The following VTCN1 variants were observed in gnomAD, a reference collection of about 807,000 sequenced individuals.
VTCN1 encodes the protein V-set domain containing T cell activation inhibitor 1, also known as V-set domain-containing T-cell activation inhibitor 1.
In VTCN1, 26 loss-of-function variants were observed where a neutral mutation model predicts 26.5. The ratio of observed to expected loss-of-function variants is 0.98; its 90% CI spans 0.72 to 1.36. The LOEUF (loss-of-function observed/expected upper bound fraction) is 1.36, where lower values mean the gene tolerates loss of function less well. Among genes scored for constraint, VTCN1 ranks in the 40% most tolerant of loss-of-function variants. The pLI, the probability that VTCN1 is intolerant of heterozygous loss-of-function variation, is 0.00. For missense variants in VTCN1, 298 were observed against 337.7 expected (o/e 0.88, Z 0.92); for synonymous variants, 116 against 130.7 (o/e 0.89, Z 0.77).
At chr1:117,197,197 C>T (rs1047993361) in intron 1 of VTCN1, among the ~76,000 whole-genome samples, 1 of 152,020 alleles carries the variant, frequency 6.6e-6, no homozygotes, top group Admixed American at 6.6e-5. Context: ...TTCGCTAAGC[C>T]CATAAAAGTC....
intron 1 of VTCN1, among the ~76,000 whole-genome samples, chr1:117,201,293 C>T (rs377248012): frequency 1.3e-5 from 2 of 152,124 alleles, no homozygotes; most frequent in South Asian, 4.1e-4. Flanking sequence ...ATGAGACTGT[C>T]ATAGCCCAAG....
intron 4 of VTCN1, among the ~76,000 whole-genome samples, chr1:117,148,810 T>C (rs562117901): frequency 6.6e-6 from 1 of 152,152 alleles, no homozygotes; most frequent in Non-Finnish European, 1.5e-5. Flanking sequence ...GAATGAGGCT[T>C]TGTAGTTAGG....
chr1:117,186,900 C>G (rs1352150613), intron 1 of VTCN1, among the ~76,000 whole-genome samples: 1 of 151,798 alleles, frequency 6.6e-6, no homozygotes, highest in Non-Finnish European at 1.5e-5. Flanking sequence ...AGAATTGACC[C>G]TGTTCTTGAA....
chr1:117,167,448 A>G lies in VTCN1; in HGVS notation c.97+2659T>C, dbSNP rs1570954307. 6.6e-6 allele frequency among the ~76,000 whole-genome samples: 1 copy of G among 152,344 alleles called. No homozygotes were observed. The highest frequency in any genetic ancestry group is 1.9e-4 in the East Asian group (1 of 5,182). ...CTGTTTTTGAACTTCATATGCATAG[A>G]ATCATACAGAACTTACTCTTTTGTG... On this transcript the variant is annotated intron_variant, in intron 2 of 5. Coordinates refer to ENST00000369458, the MANE Select transcript of VTCN1 (RefSeq NM_024626.4). The surrounding 1 kb of genome is among the most constrained non-coding windows in gnomAD (Gnocchi z 4.1).
intron 1 of VTCN1, among the ~76,000 whole-genome samples, chr1:117,191,956 C>A (rs1648265719): frequency 6.6e-6 from 1 of 151,540 alleles, no homozygotes; most frequent in Admixed American, 6.6e-5. Flanking sequence ...CAAGCAAGAC[C>A]CTGTGGGGTG....
intron 1 of VTCN1, among the ~76,000 whole-genome samples, chr1:117,204,810 G>A (rs1305680120): frequency 6.8e-6 from 1 of 148,146 alleles, no homozygotes; most frequent in Non-Finnish European, 1.5e-5. Flanking sequence ...AAGTTGCAGT[G>A]AGCCGAGATC....
chr1:117,207,286 C>T (rs553448184), intron 1 of VTCN1, among the ~76,000 whole-genome samples: 1 of 152,280 alleles, frequency 6.6e-6, no homozygotes, highest in South Asian at 2.1e-4. Flanking sequence ...ATGTTTTTAT[C>T]AATGCCATTG....
At chr1:117,196,399 T>G (rs1179390506) in intron 1 of VTCN1, among the ~76,000 whole-genome samples, 10 of 147,710 alleles carry the variant, frequency 6.8e-5, no homozygotes, top group East Asian at 3.9e-4. Flanking sequence ...CATATATATA[T>G]ATATAGAGAG....
chr1:117,158,255 T>A (rs1652188573), intron 2 of VTCN1, among the ~76,000 whole-genome samples: 1 of 152,224 alleles, frequency 6.6e-6, no homozygotes, highest in South Asian at 2.1e-4. Context: ...CCTTCTGCAC[T>A]GCCCTAGCAG....
intron 2 of VTCN1, 49 bp downstream of exon 2, chr1:117,170,058 T>G (rs201505509): frequency 3.0e-5 from 47 of 1,555,154 alleles, no homozygotes; most frequent in Non-Finnish European, 3.8e-5. Flanking sequence ...TGATTAGGAG[T>G]TTAATGGTGA....
intron 1 of VTCN1, among the ~76,000 whole-genome samples, chr1:117,209,822 T>C (rs1435596452): frequency 6.6e-6 from 1 of 152,232 alleles, no homozygotes; most frequent in East Asian, 1.9e-4. Flanking sequence ...AGCTGATATT[T>C]TGTTTCAAGG....
At chr1:117,162,374 C>T (rs541350150) in intron 2 of VTCN1, among the ~76,000 whole-genome samples, 2 of 152,328 alleles carry the variant, frequency 1.3e-5, no homozygotes, top group Admixed American at 6.5e-5. Context: ...TGCAAACAAA[C>T]ATAGGCTCAA....
intron 1 of VTCN1, among the ~76,000 whole-genome samples, chr1:117,205,157 T>TATAGAGAGAGAGAG (rs112844786): frequency 7.2e-6 from 1 of 137,994 alleles, no homozygotes; most frequent in Non-Finnish European, 1.5e-5. Flanking sequence ...TATATATATA[T>TATAGAGAGAGAGAG]AGAGAGAGAG....
chr1:117,172,286 C>T (rs1395235555), intron 1 of VTCN1: 1 of 507,098 alleles, frequency 2.0e-6, no homozygotes, highest in Non-Finnish European at 3.9e-6. Context: ...CAACAGTTCC[C>T]CTGCCGGCCA....
rs751834042 is a variant in VTCN1 at position 117,196,389 on chromosome 1, C to CAT, written c.32+14433_32+14434dup. 6.4e-3 allele frequency among the ~76,000 whole-genome samples: 944 copies of CAT among 148,274 alleles called. 3 individuals are homozygous for CAT. Among genetic ancestry groups the CAT allele is most frequent in the Non-Finnish European group, 9.6e-3 (643 of 67,230 alleles). On this transcript the variant is annotated intron_variant, in intron 1 of 5. Transcript: ENST00000369458. ...ACAGTATTTTACTATGTATTAAATA[C>CAT]ATATATATATATATAGAGAGAGAGA...
In VTCN1 at chr1:117,187,353, T is replaced by C. The variant is rs142246335; in HGVS notation, c.33-17182A>G. Among the ~76,000 whole-genome samples the C allele has an allele frequency of 9.0e-3, 1,336 of 148,900 alleles. 26 individuals carry two copies. Among genetic ancestry groups the C allele is most frequent in the African/African-American group, 0.029 (1,176 of 40,444 alleles). Reference sequence around the variant, plus strand: ...AAAAAAGGAGCTTTTTCCTACCCACTTTACCAATTTAACAGTATTACCAAG... The same window carrying C: ...AAAAAAGGAGCTTTTTCCTACCCACCTTACCAATTTAACAGTATTACCAAG... On this transcript the variant is annotated intron_variant, in intron 1 of 5. Transcript: ENST00000369458.
intron 1 of VTCN1, chr1:117,173,136 T>G: frequency 1.4e-6 from 1 of 713,710 alleles, no homozygotes; most frequent in South Asian, 1.5e-5. Context: ...AGCAAACAAC[T>G]CCGGAACAAA....
At position 117,156,720 on chromosome 1, in the gene VTCN1, C is replaced by T. The variant is rs201673499; in HGVS notation, c.299G>A (p.Arg100Gln). ...CACTTGATCAGCAAACACTGCTGTC[C>T]GGCCTCTGAACATTTCATCCTGCTC... is the stretch of plus-strand genomic sequence containing the variant. ...LSEQDEMFRG[R>Q]TAVFADQVIV... Residue 100 changes from arginine to glutamine, a missense_variant, in exon 3 of 6, where the codon CGG (arginine) becomes CAG (glutamine). Physicochemically the swap from Arg to Gln is conservative, Grantham distance 43 (BLOSUM62 1). Coordinates refer to ENST00000369458, the MANE Select transcript of VTCN1 (RefSeq NM_024626.4). 3.0e-5 allele frequency: 48 copies of T among 1,614,144 alleles called. No homozygotes were observed. The highest frequency in any genetic ancestry group is 2.7e-4 in the East Asian group (12 of 44,880).
chr1:117,170,432 A>T, intron 1 of VTCN1: 1 of 531,316 alleles, frequency 1.9e-6, no homozygotes, highest in Non-Finnish European at 3.6e-6. Context: ...CTATTTCCAG[A>T]TCAGGGAAGA....
Sources: allele counts gnomAD v4.1 joint callset (sites outside exome capture counted in the v4.1 genomes callset), GRCh38; gene constraint gnomAD v4.1.1; non-coding constraint Gnocchi (gnomAD v3.1); transcripts MANE v1.5; gene names NCBI Gene and HGNC (gene_info 2026-07-23, HGNC 2026-07-21).